BNC2: variants seen among roughly 807,000 people sequenced by gnomAD.
BNC2 encodes basonuclin zinc finger protein 2, also known as zinc finger protein basonuclin-2.
Under a neutral mutation model 76.3 loss-of-function variants are expected in BNC2, and 20 were observed. The ratio of observed to expected loss-of-function variants is 0.26; its 90% confidence interval spans 0.18 to 0.38. The LOEUF is 0.38. BNC2 is among the 10% of genes least tolerant of loss of function. The pLI, the probability that BNC2 is intolerant of heterozygous loss-of-function variation, is 1.00. For synonymous variants in BNC2, 582 were observed against 514.8 expected (o/e 1.13, Z -1.77); for missense variants, 1,382 against 1,399.8 (o/e 0.99, Z 0.20).
Position 16,753,787 on chromosome 9 carries a change from C to T in BNC2, c.4-15302G>A, listed in dbSNP as rs563432175. Reference sequence around the variant, plus strand: ...ACCACCCTCTCTTCCATATAGAACACCATCCTACTTCAAAATAAACTTTAA... The same window carrying T: ...ACCACCCTCTCTTCCATATAGAACATCATCCTACTTCAAAATAAACTTTAA... On this transcript the variant is annotated intron_variant, in intron 1 of 6. Coordinates refer to ENST00000380672, the MANE Select transcript of BNC2 (RefSeq NM_017637.6). 6.2e-4 allele frequency among the ~76,000 whole-genome samples: 95 copies of T among 152,322 alleles called. 1 individual carries two copies. Among genetic ancestry groups the T allele is most frequent in the Middle Eastern group, 3.4e-3 (1 of 294 alleles).
At chr9:16,467,860 T>C (rs867646024) in intron 5 of BNC2, among the ~76,000 whole-genome samples, 1 of 144,258 alleles carries the variant, frequency 6.9e-6, no homozygotes, top group South Asian at 2.2e-4. Flanking sequence ...AAAAAAAAAA[T>C]GCCATCTTCT....
At chr9:16,699,589 G>A (rs186668793) in intron 3 of BNC2, among the ~76,000 whole-genome samples, 1 of 152,340 alleles carries the variant, frequency 6.6e-6, no homozygotes, top group East Asian at 1.9e-4. Flanking sequence ...TTGATAAACA[G>A]ATACCAAGTG....
chr9:16,776,673 A>C (rs1825976400), intron 1 of BNC2, among the ~76,000 whole-genome samples: 1 of 152,232 alleles, frequency 6.6e-6, no homozygotes, highest in Admixed American at 6.5e-5. Context: ...ATGTGAAAGA[A>C]AGCAAGCACT....
In BNC2 at chr9:16,437,388, T is replaced by C; in HGVS notation, c.806A>G (p.Gln269Arg). 6 of 1,612,120 alleles carry C rather than the reference T, an allele frequency of 3.7e-6. No homozygotes were observed. Among genetic ancestry groups the C allele is most frequent in the Non-Finnish European group, 4.2e-6 (5 of 1,178,404 alleles). ...CTTTGAAGATGGTACAGCCACGGCCTGCCCTTCTTTCTCCTGAATTGCCAT... is the reference window on the plus strand; with the variant it reads ...CTTTGAAGATGGTACAGCCACGGCCCGCCCTTCTTTCTCCTGAATTGCCAT... Reference protein sequence around the residue: ...ELMAIQEKEGQAVAVPSSKTD... With the variant: ...ELMAIQEKEGRAVAVPSSKTD... The change falls in exon 6 of 7, where the codon CAG (glutamine) becomes CGG (arginine). Residue 269 changes from glutamine to arginine, a missense_variant. By Grantham distance (43) the Gln-to-Arg change is conservative. This residue lies in a region of BNC2 where 557 missense variants were observed against 540.9 expected (regional missense o/e 1.03). Coordinates refer to ENST00000380672, the MANE Select transcript of BNC2 (RefSeq NM_017637.6).
intron 3 of BNC2, among the ~76,000 whole-genome samples, chr9:16,650,477 G>A (rs555543859): frequency 1.3e-4 from 20 of 151,936 alleles, no homozygotes; most frequent in South Asian, 4.1e-4. Context: ...GGTAATTCCC[G>A]TCTGACATAT....
rs920289782 is a variant in BNC2 at position 16,825,021 on chromosome 9, A to T, written c.3+45625T>A. ...ACCCCAGATGTGTTCCTTCAAACAA[A>T]TCACATCTTTTTTCTTACCCCTCTT... On this transcript the variant is annotated intron_variant, in intron 1 of 6. Coordinates refer to ENST00000380672, the MANE Select transcript of BNC2 (RefSeq NM_017637.6). Among the ~76,000 whole-genome samples, 3 of 146,374 alleles carry T rather than the reference A, an allele frequency of 2.0e-5. No homozygotes were observed. In the Admixed American group the frequency reaches 2.1e-4, roughly 10 times the overall value.
At chr9:16,618,465 C>A (rs1231402332) in intron 3 of BNC2, among the ~76,000 whole-genome samples, 2 of 152,146 alleles carry the variant, frequency 1.3e-5, no homozygotes, top group African/African-American at 4.8e-5. Context: ...GGACTAGGGA[C>A]ACAACATCAA....
intron 3 of BNC2, among the ~76,000 whole-genome samples, chr9:16,597,510 GC>G (rs1020215361): frequency 3.0e-4 from 45 of 152,114 alleles, no homozygotes; most frequent in African/African-American, 1.0e-3. Flanking sequence ...TTTTTATAAT[GC>G]ATATGTATAG....
intron 5 of BNC2, among the ~76,000 whole-genome samples, chr9:16,448,622 A>C (rs1821275494): frequency 6.6e-6 from 1 of 152,200 alleles, no homozygotes; most frequent in Admixed American, 6.5e-5. Context: ...AATACTTAGT[A>C]AGCAGTATTC....
intron 3 of BNC2, among the ~76,000 whole-genome samples, chr9:16,667,287 T>C (rs1822328507): frequency 6.6e-6 from 1 of 152,236 alleles, no homozygotes. Context: ...TCTATGTTTA[T>C]TCAAGGAGTT....
intron 3 of BNC2, among the ~76,000 whole-genome samples, chr9:16,658,333 G>A (rs1157817359): frequency 6.6e-6 from 1 of 151,854 alleles, no homozygotes; most frequent in Non-Finnish European, 1.5e-5. Flanking sequence ...TAAGGGAGAG[G>A]GGGAAAAAAG....
chr9:16,847,666 T>C (rs1420637437), intron 1 of BNC2, among the ~76,000 whole-genome samples: 3 of 152,118 alleles, frequency 2.0e-5, no homozygotes, highest in Non-Finnish European at 4.4e-5. Flanking sequence ...CCCCAAACCA[T>C]AACCATTGAG....
intron 3 of BNC2, among the ~76,000 whole-genome samples, chr9:16,705,636 T>C (rs1823645892): frequency 6.6e-6 from 1 of 150,690 alleles, no homozygotes; most frequent in South Asian, 2.1e-4. Flanking sequence ...TTCCTCGAGT[T>C]GTATGATAGT....
intron 3 of BNC2, among the ~76,000 whole-genome samples, chr9:16,640,925 A>G (rs1238294495): frequency 6.6e-6 from 1 of 152,192 alleles, no homozygotes. Context: ...GAGGTGTCTA[A>G]GAACTCAAGA....
intron 3 of BNC2, among the ~76,000 whole-genome samples, chr9:16,724,477 T>C (rs1478977452): frequency 6.6e-6 from 1 of 152,082 alleles, no homozygotes; most frequent in Non-Finnish European, 1.5e-5. Flanking sequence ...ACAAGTGTCA[T>C]ACCCTTTAAT....
At position 16,424,278 on chromosome 9, in the gene BNC2, AAAC is replaced by A. The variant is rs546465462; in HGVS notation, c.2640-4632_2640-4630del. ...GAGACACGAAAAAGAAAAAAAAAAA[AAAC>A]AAGTTGCATGACCAAATTAGAAAGT... On this transcript the variant is annotated intron_variant, in intron 6 of 6. Transcript: ENST00000380672. 6.8e-3 allele frequency among the ~76,000 whole-genome samples: 1,031 copies of A among 151,446 alleles called. 10 individuals are homozygous for A. The highest frequency in any genetic ancestry group is 0.024 in the African/African-American group (964 of 40,782).
chr9:16,541,380 G>C (rs1285729727), intron 5 of BNC2, among the ~76,000 whole-genome samples: 1 of 152,192 alleles, frequency 6.6e-6, no homozygotes, highest in Admixed American at 6.5e-5. Context: ...AAAGCTCCCA[G>C]AACTGCCTCT....
At chr9:16,724,033 A>G (rs1018903049) in intron 3 of BNC2, among the ~76,000 whole-genome samples, 1 of 152,124 alleles carries the variant, frequency 6.6e-6, no homozygotes, top group Non-Finnish European at 1.5e-5. Context: ...ATAATGATGC[A>G]GAGAGTCATT....
At chr9:16,856,654 A>C (rs938252859) in intron 1 of BNC2, among the ~76,000 whole-genome samples, 1 of 152,188 alleles carries the variant, frequency 6.6e-6, no homozygotes, top group South Asian at 2.1e-4. Context: ...TTCTGGGTTT[A>C]AAAAAATTTT....
Sources: gnomAD v4.1 joint callset for allele counts (sites outside exome capture counted in the v4.1 genomes callset) on GRCh38, gnomAD v4.1.1 for gene constraint, gnomAD v4.1.1 regional missense constraint, MANE v1.5 for transcripts, NCBI Gene and HGNC (gene_info 2026-07-23, HGNC 2026-07-21) for gene names.